ABCC4: variants seen among roughly 807,000 people sequenced by gnomAD.
ABCC4 encodes the protein ATP-binding cassette sub-family C member 4.
Under a neutral mutation model 168.5 loss-of-function variants are expected in ABCC4, and 102 were observed. The observed-to-expected ratio is 0.61, with a 90% CI of 0.52 to 0.71. The LOEUF (loss-of-function observed/expected upper bound fraction) is 0.71. ABCC4 is among the 30% of genes least tolerant of loss of function. The probability of loss-of-function intolerance (pLI) is 0.00; values close to 1 mark genes in which losing one functional copy is unlikely to be tolerated. For synonymous variants in ABCC4, 617 were observed against 590.7 expected (o/e 1.04, Z -0.65); for missense variants, 1,402 against 1,605.8 (o/e 0.87, Z 2.17).
intron 27 of ABCC4, among the ~76,000 whole-genome samples, chr13:95,052,151 CTG>C (rs763840473): frequency 7.2e-4 from 110 of 151,822 alleles, no homozygotes; most frequent in Non-Finnish European, 1.2e-3. Context: ...CAGCTAATCT[CTG>C]TATTTTTAGT....
At chr13:95,164,054 A>AAAAAAAAGAAAG (rs59935866) in intron 16 of ABCC4, among the ~76,000 whole-genome samples, 4,451 of 138,298 alleles carry the variant, frequency 0.032, 101 homozygotes, top group Middle Eastern at 0.073. Flanking sequence ...AAAAAAAAAA[A>AAAAAAAAGAAAG]AAAGAAAGAA....
At chr13:95,159,094 TA>T (rs1566475207) in intron 19 of ABCC4, among the ~76,000 whole-genome samples, 617 of 3,686 alleles carry the variant, frequency 0.17, 7 homozygotes, top group Middle Eastern at 0.3. Flanking sequence ...AAATAAATTT[TA>T]TATATATATA....
At chr13:95,025,827 G>C (rs1470079558) in intron 30 of ABCC4, among the ~76,000 whole-genome samples, 1 of 152,098 alleles carries the variant, frequency 6.6e-6, no homozygotes, top group East Asian at 1.9e-4. Flanking sequence ...GCATAACAGA[G>C]ATACAAAAAT....
intron 4 of ABCC4, among the ~76,000 whole-genome samples, chr13:95,215,450 A>C (rs1566536009): frequency 1.3e-5 from 2 of 152,354 alleles, no homozygotes; most frequent in East Asian, 3.9e-4. Flanking sequence ...TTGAAAAACA[A>C]CTAGCTGCTT....
At chr13:95,283,161 A>G (rs935348667) in intron 1 of ABCC4, among the ~76,000 whole-genome samples, 3 of 150,602 alleles carry the variant, frequency 2.0e-5, no homozygotes, top group African/African-American at 7.3e-5. Flanking sequence ...GGCTGCAGTG[A>G]GCTGAGATAG....
chr13:95,207,812 G>A lies in ABCC4; in HGVS notation c.899C>T (p.Thr300Ile). ...TACAAAAACTTACTTTCTCAAATTG[G>A]TAATAAGATTTGAAAATGACTTTTC... Reference protein sequence around the residue: ...AWEKSFSNLITNLRKKEISKI... With the variant: ...AWEKSFSNLIINLRKKEISKI... Residue 300 changes from threonine (T) to isoleucine (I), a missense_variant, in exon 7 of 31, where the codon ACC becomes ATC. Thr to Ile is a moderately conservative substitution (Grantham distance 89). This residue lies in a region of ABCC4 where 78 missense variants were observed against 133.0 expected (regional missense o/e 0.59). Coordinates refer to ENST00000645237, the MANE Select transcript of ABCC4 (RefSeq NM_005845.5). 1 of 1,611,686 alleles carries A rather than the reference G, an allele frequency of 6.2e-7. No individual in the cohort carries two copies. The highest frequency in any genetic ancestry group is 8.5e-7 in the Non-Finnish European group (1 of 1,179,016).
intron 8 of ABCC4, among the ~76,000 whole-genome samples, chr13:95,200,875 G>A (rs1162909888): frequency 2.0e-5 from 3 of 152,062 alleles, no homozygotes; most frequent in Non-Finnish European, 4.4e-5. Flanking sequence ...AACCATCCAG[G>A]TTGAAAAAAC....
intron 1 of ABCC4, among the ~76,000 whole-genome samples, chr13:95,286,956 CAA>C (rs34188007): frequency 1.3e-4 from 15 of 118,832 alleles, no homozygotes; most frequent in Non-Finnish European, 1.5e-4. Context: ...AACTCTGTCT[CAA>C]AAAAAAAAAA....
In ABCC4 at chr13:95,207,893, A is replaced by G. The variant is rs781004259; in HGVS notation, c.818T>C (p.Ile273Thr). 3.7e-6 allele frequency: 6 copies of G among 1,613,762 alleles called. No individual in the cohort carries two copies. In the East Asian group the frequency reaches 1.3e-4, roughly 36 times the overall value. Residue 273 changes from isoleucine (I) to threonine (T), a missense_variant, in exon 7 of 31, where the codon ATC becomes ACC. Transcript: ENST00000645237. Reference protein sequence around the residue: ...SKTATFTDARIRTMNEVITGI... With the variant: ...SKTATFTDARTRTMNEVITGI... The stretch of plus-strand genomic sequence containing the variant: ...AGTTATAACTTCATTCATGGTCCTG[A>G]TCCTGGCATCCGTGAAAGTTGCAGT...
chr13:95,025,312 C>T (rs117235227), intron 30 of ABCC4, among the ~76,000 whole-genome samples: 3 of 35,710 alleles, frequency 8.4e-5, no homozygotes, highest in Admixed American at 3.5e-4. Context: ...CGCCCACCCC[C>T]CACACACACC....
intron 20 of ABCC4, among the ~76,000 whole-genome samples, chr13:95,105,447 G>T (rs1180280415): frequency 3.3e-5 from 5 of 152,036 alleles, no homozygotes; most frequent in Admixed American, 1.3e-4. Context: ...GCACTAATTA[G>T]CAAGAAAATT....
At chr13:95,165,548 G>A (rs140258211) in intron 15 of ABCC4, among the ~76,000 whole-genome samples, 3 of 152,264 alleles carry the variant, frequency 2.0e-5, no homozygotes, top group Non-Finnish European at 4.4e-5. Flanking sequence ...GCTCTATGCT[G>A]GCCACTGGGA....
intron 20 of ABCC4, among the ~76,000 whole-genome samples, chr13:95,087,638 AATCATT>A (rs1316793962): frequency 6.6e-6 from 1 of 152,270 alleles, no homozygotes; most frequent in African/African-American, 2.4e-5. Flanking sequence ...AATTCTGTCA[AATCATT>A]ATCATTACCT....
chr13:95,278,361 T>TA (rs2138906453), intron 1 of ABCC4, among the ~76,000 whole-genome samples: 1 of 152,062 alleles, frequency 6.6e-6, no homozygotes. Context: ...AGGGGGAGCT[T>TA]AATAGTGGCA....
At chr13:95,289,744 A>G (rs1338134749) in intron 1 of ABCC4, among the ~76,000 whole-genome samples, 1 of 152,226 alleles carries the variant, frequency 6.6e-6, no homozygotes, top group Non-Finnish European at 1.5e-5. Context: ...GACTTTGGCA[A>G]GCAGTTGATC....
At chr13:95,268,790 C>T (rs887294274) in intron 1 of ABCC4, among the ~76,000 whole-genome samples, 1 of 152,200 alleles carries the variant, frequency 6.6e-6, no homozygotes, top group Non-Finnish European at 1.5e-5. Context: ...ACATCCCCCT[C>T]TCCGAGAAAT....
intron 20 of ABCC4, among the ~76,000 whole-genome samples, chr13:95,089,392 G>T (rs2034356413): frequency 1.3e-5 from 2 of 152,172 alleles, no homozygotes; most frequent in African/African-American, 4.8e-5. Context: ...GGCCAAGGAG[G>T]GCGGATCACA....
chr13:95,238,385 C>T (rs1174286787), intron 3 of ABCC4, among the ~76,000 whole-genome samples: 2 of 152,010 alleles, frequency 1.3e-5, no homozygotes, highest in Non-Finnish European at 1.5e-5. Flanking sequence ...GAGACTTACA[C>T]GCTCACTGAT....
intron 20 of ABCC4, among the ~76,000 whole-genome samples, chr13:95,087,264 G>A (rs545790320): frequency 1.3e-5 from 2 of 152,276 alleles, no homozygotes; most frequent in Non-Finnish European, 2.9e-5. Flanking sequence ...GGTGGCTCAC[G>A]CCTATAATCC....
Sources: gnomAD v4.1 joint callset for allele counts (sites outside exome capture counted in the v4.1 genomes callset) on GRCh38, gnomAD v4.1.1 for gene constraint, gnomAD v4.1.1 regional missense constraint, MANE v1.5 for transcripts, NCBI Gene and HGNC (gene_info 2026-07-23, HGNC 2026-07-21) for gene names.